The following ANKFN1 variants were observed in gnomAD, a reference collection of about 807,000 sequenced individuals.
ANKFN1 encodes ankyrin repeat and fibronectin type III domain containing 1.
ANKFN1 carries 74 observed loss-of-function variants against 108.7 expected under a neutral mutation model. That is an observed-to-expected ratio of 0.68 (90% CI 0.56 to 0.83). The LOEUF (loss-of-function observed/expected upper bound fraction) is 0.83, where lower values mean the gene tolerates loss of function less well. Ranked by LOEUF, ANKFN1 falls within the 40% of genes least tolerant of loss-of-function variation. The pLI is 0.00. For synonymous variants in ANKFN1, 547 were observed against 516.2 expected (o/e 1.06, Z -0.81); for missense variants, 1,505 against 1,382.3 (o/e 1.09, Z -1.41).
At chr17:56,481,668 TG>T (rs2050708182) in intron 17 of ANKFN1, among the ~76,000 whole-genome samples, 1 of 152,114 alleles carries the variant, frequency 6.6e-6, no homozygotes, top group African/African-American at 2.4e-5. Flanking sequence ...GTCCTTCCAT[TG>T]GGGTGCTCTT....
At chr17:56,070,888 C>T (rs1432432240) in intron 4 of ANKFN1, among the ~76,000 whole-genome samples, 1 of 152,046 alleles carries the variant, frequency 6.6e-6, no homozygotes, top group African/African-American at 2.4e-5. Context: ...GTGCACACCA[C>T]CACGCCCAGC....
rs188409696 is a variant in ANKFN1 at position 56,141,976 on chromosome 17, G to A, written c.289-85941G>A. 2.3e-3 allele frequency among the ~76,000 whole-genome samples: 337 copies of A among 145,104 alleles called. 1 individual carries two copies. The highest frequency in any genetic ancestry group is 8.2e-3 in the African/African-American group (314 of 38,272). On this transcript the variant is annotated intron_variant, in intron 4 of 12. Coordinates refer to the ANKFN1 transcript ENST00000635860. ...GATGGAGTCTGGCTCTGTCGCCCAG[G>A]CTGGAGTGCAATGGTGCAATCTTGG...
intron 8 of ANKFN1, among the ~76,000 whole-genome samples, chr17:56,413,060 G>A (rs563741584): frequency 1.3e-5 from 2 of 152,086 alleles, no homozygotes; most frequent in East Asian, 3.8e-4. Context: ...CTTCTGCTAA[G>A]TTTGAGCTTA....
At chr17:56,259,420 T>G (rs752021793) in intron 3 of ANKFN1, among the ~76,000 whole-genome samples, 3 of 152,142 alleles carry the variant, frequency 2.0e-5, no homozygotes, top group Non-Finnish European at 4.4e-5. Context: ...AGGCATTTGG[T>G]TTTTGGTAAG....
intron 1 of ANKFN1, among the ~76,000 whole-genome samples, chr17:56,184,582 G>T (rs1289083946): frequency 6.6e-6 from 1 of 152,096 alleles, no homozygotes; most frequent in East Asian, 1.9e-4. Context: ...ACATGCAGAT[G>T]ATATTAACTT....
chr17:56,096,372 A>G (rs72829706), intron 4 of ANKFN1, among the ~76,000 whole-genome samples: 6,191 of 152,194 alleles, frequency 0.041, 143 homozygotes, highest in Middle Eastern at 0.082. Flanking sequence ...GCCCACCCCA[A>G]ATAGTCCTAG....
chr17:56,307,192 A>G (rs1258002795), intron 3 of ANKFN1, among the ~76,000 whole-genome samples: 3 of 152,232 alleles, frequency 2.0e-5, no homozygotes, highest in Admixed American at 1.3e-4. Flanking sequence ...CTAAAACACC[A>G]AAAGCAATGG....
chr17:56,101,121 T>C (rs570651469), intron 4 of ANKFN1, among the ~76,000 whole-genome samples: 1 of 152,216 alleles, frequency 6.6e-6, no homozygotes, highest in African/African-American at 2.4e-5. Flanking sequence ...AAGTGAACAG[T>C]AGGCTCTCAC....
chr17:56,495,701 T>C (rs1321408593), intron 19 of ANKFN1, among the ~76,000 whole-genome samples: 2 of 152,134 alleles, frequency 1.3e-5, no homozygotes, highest in African/African-American at 4.8e-5. Flanking sequence ...TTTGAGCTGC[T>C]AAAGCCTAAA....
At chr17:56,088,500 T>C (rs775371325) in intron 4 of ANKFN1, among the ~76,000 whole-genome samples, 2 of 151,096 alleles carry the variant, frequency 1.3e-5, no homozygotes, top group Non-Finnish European at 1.5e-5. Context: ...TCACTTCTTC[T>C]AGCTGGTTTC....
intron 3 of ANKFN1, among the ~76,000 whole-genome samples, chr17:56,282,945 C>T (rs1264416575): frequency 6.6e-6 from 1 of 152,126 alleles, no homozygotes; most frequent in Non-Finnish European, 1.5e-5. Flanking sequence ...TGGAAAGGAA[C>T]TGCTACCCTA....
intron 3 of ANKFN1, among the ~76,000 whole-genome samples, chr17:56,318,979 T>C (rs1432848727): frequency 3.3e-5 from 5 of 152,166 alleles, no homozygotes; most frequent in Non-Finnish European, 7.3e-5. Flanking sequence ...TGGACTCCTG[T>C]TGGCAAGTAG....
intron 18 of ANKFN1, among the ~76,000 whole-genome samples, chr17:56,483,162 C>G (rs1438103107): frequency 6.6e-6 from 1 of 152,174 alleles, no homozygotes; most frequent in Non-Finnish European, 1.5e-5. Context: ...CTTGTCCTGA[C>G]TTTCAAAAAT....
intron 1 of ANKFN1, among the ~76,000 whole-genome samples, chr17:56,168,411 G>A (rs931181643): frequency 1.3e-5 from 2 of 152,038 alleles, no homozygotes; most frequent in African/African-American, 4.8e-5. Flanking sequence ...CTAATGAATT[G>A]GGACAAGTTG....
chr17:56,187,921 G>A (rs1390176974), intron 1 of ANKFN1, among the ~76,000 whole-genome samples: 6 of 151,878 alleles, frequency 4.0e-5, no homozygotes, highest in East Asian at 1.9e-4. Context: ...ATGACACACC[G>A]GGGCCTGTCG....
At chr17:56,193,900 A>C (rs1913248134) in intron 1 of ANKFN1, among the ~76,000 whole-genome samples, 1 of 152,282 alleles carries the variant, frequency 6.6e-6, no homozygotes, top group African/African-American at 2.4e-5. Context: ...TTGTCATCTG[A>C]AATAAAGAAA....
intron 3 of ANKFN1, among the ~76,000 whole-genome samples, chr17:56,299,688 A>G (rs1351003937): frequency 1.3e-5 from 2 of 152,078 alleles, no homozygotes; most frequent in Non-Finnish European, 2.9e-5. Context: ...TAGAATGGAG[A>G]TAGTTGTAGC....
chr17:56,082,760 A>G (rs1171829349), intron 4 of ANKFN1, among the ~76,000 whole-genome samples: 1 of 152,220 alleles, frequency 6.6e-6, no homozygotes, highest in Non-Finnish European at 1.5e-5. Context: ...AGACAACACA[A>G]TGACTTCCTT....
rs1567717242 is a variant in ANKFN1 at position 56,510,721 on chromosome 17, T to C, written c.2893T>C (p.Ser965Pro). The change falls in exon 21 of 21, where the codon TCA becomes CCA. Residue 965 changes from serine to proline, a missense_variant. Physicochemically the swap from Ser to Pro is moderately conservative, Grantham distance 74. Coordinates refer to ENST00000682825, the MANE Select transcript of ANKFN1 (RefSeq NM_001370326.1). ...GGGCGAGGGCCCAAATCCCGATCACTCATGTGCCGAGTTTCTCCATAGCCT... is the reference window on the plus strand; with the variant it reads ...GGGCGAGGGCCCAAATCCCGATCACCCATGTGCCGAGTTTCTCCATAGCCT... ...PQGEGPNPDH[S>P]CAEFLHSLTL... is the part of the protein sequence containing the mutation. 6.5e-7 allele frequency: 1 copy of C among 1,535,928 alleles called. No homozygotes were observed. The highest frequency in any genetic ancestry group is 1.2e-5 in the South Asian group (1 of 84,056).
Sources: allele counts gnomAD v4.1 joint callset (sites outside exome capture counted in the v4.1 genomes callset), GRCh38; gene constraint gnomAD v4.1.1; transcripts MANE v1.5; gene names NCBI Gene and HGNC (gene_info 2026-07-23, HGNC 2026-07-21).